The following UNC13C variants were observed in gnomAD, a reference collection of about 807,000 sequenced individuals.
UNC13C encodes the protein unc-13 homolog C, also known as protein unc-13 homolog C.
UNC13C carries 174 observed loss-of-function variants against 245.4 expected under a neutral mutation model. The ratio of observed to expected loss-of-function variants is 0.71; its 90% CI spans 0.63 to 0.80. The LOEUF is 0.80. Among genes scored for constraint, UNC13C ranks in the 30% least tolerant of loss-of-function variants. UNC13C has a pLI of 0.00. For synonymous variants in UNC13C, 992 were observed against 895.1 expected (o/e 1.11, Z -1.93); for missense variants, 2,829 against 2,602.9 (o/e 1.09, Z -1.89).
intron 4 of UNC13C, among the ~76,000 whole-genome samples, chr15:54,222,695 T>G (rs1303038719): frequency 6.6e-6 from 1 of 152,156 alleles, no homozygotes; most frequent in African/African-American, 2.4e-5. Context: ...TTGTGCTAAT[T>G]TACAATCCCA....
At chr15:53,994,086 G>A (rs1894510260) in intron 1 of UNC13C, among the ~76,000 whole-genome samples, 1 of 151,796 alleles carries the variant, frequency 6.6e-6, no homozygotes, top group African/African-American at 2.4e-5. Flanking sequence ...CAAGTTATTA[G>A]CTGTATCTTT....
At chr15:54,380,293 G>A (rs1240387147) in intron 17 of UNC13C, among the ~76,000 whole-genome samples, 1 of 152,098 alleles carries the variant, frequency 6.6e-6, no homozygotes, top group Non-Finnish European at 1.5e-5. Context: ...GTTCATCCAT[G>A]AAGCAACATT....
At chr15:54,335,203 C>G (rs2038541283) in intron 16 of UNC13C, among the ~76,000 whole-genome samples, 1 of 152,124 alleles carries the variant, frequency 6.6e-6, no homozygotes, top group Admixed American at 6.6e-5. Context: ...CCTCTCCACT[C>G]TCCTGAATTG....
At chr15:54,468,779 G>T (rs1892307449) in intron 19 of UNC13C, among the ~76,000 whole-genome samples, 3 of 151,504 alleles carry the variant, frequency 2.0e-5, no homozygotes, top group African/African-American at 7.3e-5. Flanking sequence ...TTATTTCTGG[G>T]CTCTCTATCC....
At position 54,015,889 on chromosome 15, in the gene UNC13C, A is replaced by G; in HGVS notation, c.2983+3A>G. 1 of 1,564,086 alleles carries G rather than the reference A, an allele frequency of 6.4e-7. No individual in the cohort carries two copies. The highest frequency in any genetic ancestry group is 1.4e-5 in the African/African-American group (1 of 73,088). ...GGAAGAGAAGATCTTGGCTGGAGGT[A>G]TTCATGTTTAAATGCTACATTGTGA... On this transcript the variant is annotated splice_donor_region_variant and intron_variant, in intron 2 of 32. Coordinates refer to ENST00000260323, the MANE Select transcript of UNC13C (RefSeq NM_001080534.3).
At chr15:53,954,631 C>G in the UNC13C span, among the ~76,000 whole-genome samples, 22 of 152,100 alleles carry the variant, frequency 1.4e-4, no homozygotes, top group Non-Finnish European at 2.9e-4. Flanking sequence ...GTTTTGCCGT[C>G]TAATTATAGG....
At chr15:54,197,621 T>C (rs2034398642) in intron 4 of UNC13C, among the ~76,000 whole-genome samples, 1 of 152,132 alleles carries the variant, frequency 6.6e-6, no homozygotes, top group Admixed American at 6.6e-5. Flanking sequence ...ATTTAAAACT[T>C]TGCCTGAAGT....
At chr15:54,446,955 G>A (rs1567279622) in intron 19 of UNC13C, among the ~76,000 whole-genome samples, 1 of 152,164 alleles carries the variant, frequency 6.6e-6, no homozygotes, top group African/African-American at 2.4e-5. Flanking sequence ...ATTATTTTGA[G>A]ATACATCCCA....
chr15:54,484,528 T>C (rs1033691384), intron 19 of UNC13C, among the ~76,000 whole-genome samples: 1 of 151,602 alleles, frequency 6.6e-6, no homozygotes, highest in African/African-American at 2.4e-5. Context: ...GTAAAGTAAG[T>C]AAATAACTAT....
At chr15:53,906,709 C>G in the UNC13C span, among the ~76,000 whole-genome samples, 1 of 152,086 alleles carries the variant, frequency 6.6e-6, no homozygotes, top group South Asian at 2.1e-4. Context: ...CTGTATTAGT[C>G]CATTCTCACA....
At chr15:54,604,682 A>T (rs1899662179) in intron 30 of UNC13C, among the ~76,000 whole-genome samples, 1 of 152,106 alleles carries the variant, frequency 6.6e-6, no homozygotes, top group South Asian at 2.1e-4. Flanking sequence ...TTCTGGTGGG[A>T]TAATATTTCC....
At chr15:53,985,132 G>A (rs1042542208) in intron 1 of UNC13C, among the ~76,000 whole-genome samples, 1 of 151,710 alleles carries the variant, frequency 6.6e-6, no homozygotes, top group African/African-American at 2.4e-5. Context: ...GGTGTGTGTT[G>A]TTCCCCTCTC....
intron 4 of UNC13C, among the ~76,000 whole-genome samples, chr15:54,166,781 TGTG>T (rs1480785969): frequency 6.6e-6 from 1 of 152,174 alleles, no homozygotes; most frequent in East Asian, 1.9e-4. Flanking sequence ...AAATTTTAAA[TGTG>T]GTACAAGTTC....
At chr15:54,433,774 G>A (rs1297091913) in intron 19 of UNC13C, among the ~76,000 whole-genome samples, 1 of 152,002 alleles carries the variant, frequency 6.6e-6, no homozygotes, top group Admixed American at 6.6e-5. Context: ...TATTCAAATA[G>A]GAAGAGAGAA....
intron 7 of UNC13C, among the ~76,000 whole-genome samples, chr15:54,241,547 C>T (rs915435230): frequency 1.3e-5 from 2 of 152,330 alleles, no homozygotes; most frequent in East Asian, 3.9e-4. Flanking sequence ...AACTCCACCT[C>T]TCACTAGCTT....
intron 1 of UNC13C, among the ~76,000 whole-genome samples, chr15:54,008,152 G>A (rs1374669723): frequency 6.6e-6 from 1 of 152,128 alleles, no homozygotes; most frequent in Non-Finnish European, 1.5e-5. Context: ...GTATTAAATA[G>A]TTCTCTTAAA....
intron 19 of UNC13C, among the ~76,000 whole-genome samples, chr15:54,482,252 C>G (rs687345): frequency 0.14 from 21,394 of 152,048 alleles, 1,539 homozygotes; most frequent in Non-Finnish European, 0.17. Flanking sequence ...AATGCAGGAG[C>G]TTTTAGCCCT....
intron 27 of UNC13C, among the ~76,000 whole-genome samples, chr15:54,547,238 A>ATT (rs140088492): frequency 3.3e-5 from 5 of 151,464 alleles, no homozygotes; most frequent in African/African-American, 1.2e-4. Flanking sequence ...TGCTATTTGG[A>ATT]TTTTTTTTTC....
At chr15:54,301,340 C>T (rs2037576785) in intron 13 of UNC13C, among the ~76,000 whole-genome samples, 1 of 146,658 alleles carries the variant, frequency 6.8e-6, no homozygotes, top group Admixed American at 6.8e-5. Context: ...GCAGAATGTG[C>T]ATGTTTGTTA....
Sources: allele counts gnomAD v4.1 joint callset (sites outside exome capture counted in the v4.1 genomes callset), GRCh38; gene constraint gnomAD v4.1.1; transcripts MANE v1.5; gene names NCBI Gene and HGNC (gene_info 2026-07-23, HGNC 2026-07-21).